Variants in RSU1 observed in about 807,000 individuals in gnomAD.
RSU1 encodes rsu-1.
In RSU1, 26 loss-of-function variants were observed where a neutral mutation model predicts 31.1. That is an observed-to-expected ratio of 0.84 (90% CI 0.61 to 1.16). The LOEUF is 1.16. Among genes scored for constraint, RSU1 ranks in the 50% most tolerant of loss-of-function variants. The pLI is 0.00. For missense variants in RSU1, 320 were observed against 339.1 expected, an observed-to-expected ratio of 0.94 and a Z score of 0.44; for synonymous variants, 164 against 136.3, an observed-to-expected ratio of 1.20 and a Z score of -1.41.
rs146489924 is a variant in RSU1 at position 16,623,237 on chromosome 10, C to T, written c.732-29741G>A. On this transcript the variant is annotated intron_variant, in intron 8 of 8. Transcript: ENST00000345264. ...GTTTCTATGGTTGCCATTTTTTTGT[C>T]CATGAAGACCAATGTTTAGCTCCCA... is the stretch of plus-strand genomic sequence containing the variant. 1.2e-3 allele frequency among the ~76,000 whole-genome samples: 182 copies of T among 152,218 alleles called. 1 individual carries two copies. The highest frequency in any genetic ancestry group is 4.2e-3 in the African/African-American group (175 of 41,534).
intron 8 of RSU1, among the ~76,000 whole-genome samples, chr10:16,642,312 G>T (rs1380488725): frequency 6.6e-6 from 1 of 152,170 alleles, no homozygotes; most frequent in Admixed American, 6.5e-5. Context: ...CAGAGAAGCT[G>T]TAGAAAAACA....
intron 2 of RSU1, among the ~76,000 whole-genome samples, chr10:16,813,025 C>T (rs1838440516): frequency 6.6e-6 from 1 of 150,938 alleles, no homozygotes; most frequent in South Asian, 2.1e-4. Context: ...GTTCTGTCAC[C>T]TAGTAACACG....
At chr10:16,707,633 A>G (rs73604860) in intron 7 of RSU1, among the ~76,000 whole-genome samples, 1,867 of 151,042 alleles carry the variant, frequency 0.012, 41 homozygotes, top group African/African-American at 0.043. Flanking sequence ...TGCCAGATAC[A>G]TACTTTGTAA....
intron 8 of RSU1, among the ~76,000 whole-genome samples, chr10:16,686,946 T>TA (rs1464589694): frequency 6.6e-6 from 1 of 152,100 alleles, no homozygotes; most frequent in Non-Finnish European, 1.5e-5. Flanking sequence ...TTGCATTGAG[T>TA]AAAAAAGGCA....
At position 16,641,624 on chromosome 10, in the gene RSU1, C is replaced by G. The variant is rs549559802; in HGVS notation, c.732-48128G>C. The stretch of plus-strand genomic sequence containing the variant: ...GGCTTGGGTGGGCCCATTAATGAAC[C>G]TGGCTCTCTGAAACTCTCAGGCCAG... On this transcript the variant is annotated intron_variant, in intron 8 of 8. Transcript: ENST00000345264. Among the ~76,000 whole-genome samples, 37 of 152,292 alleles carry G rather than the reference C, an allele frequency of 2.4e-4. No homozygotes were observed. The Middle Eastern group carries it at 0.017, about 70-fold the overall frequency.
chr10:16,638,661 C>T (rs1834389106), intron 8 of RSU1, among the ~76,000 whole-genome samples: 1 of 152,264 alleles, frequency 6.6e-6, no homozygotes, highest in East Asian at 1.9e-4. Context: ...GCTTTGCAAA[C>T]CCTAAGCTAA....
chr10:16,617,809 T>G (rs374227139), intron 8 of RSU1, among the ~76,000 whole-genome samples: 11 of 152,306 alleles, frequency 7.2e-5, no homozygotes, highest in Middle Eastern at 3.4e-3. Flanking sequence ...GACCCCTTCC[T>G]TACACCTTAT....
chr10:16,793,235 G>C (rs1837963046), intron 2 of RSU1, among the ~76,000 whole-genome samples: 1 of 152,090 alleles, frequency 6.6e-6, no homozygotes, highest in South Asian at 2.1e-4. Context: ...CTCTTCAGTA[G>C]TAAGTTTTCA....
At chr10:16,761,047 T>C (rs1364956781) in intron 4 of RSU1, among the ~76,000 whole-genome samples, 2 of 152,202 alleles carry the variant, frequency 1.3e-5, no homozygotes, top group African/African-American at 4.8e-5. Context: ...GTTCAAACGA[T>C]TCTCCTGCCT....
intron 3 of RSU1, among the ~76,000 whole-genome samples, chr10:16,779,162 A>G (rs1837601470): frequency 6.6e-6 from 1 of 152,216 alleles, no homozygotes; most frequent in Non-Finnish European, 1.5e-5. Flanking sequence ...GCTGACTTCA[A>G]AAACCCATCA....
At chr10:16,715,735 G>T (rs1836126651) in intron 7 of RSU1, among the ~76,000 whole-genome samples, 1 of 152,290 alleles carries the variant, frequency 6.6e-6, no homozygotes, top group East Asian at 1.9e-4. Flanking sequence ...ATCAGGAATT[G>T]TTAAATCCTT....
At chr10:16,733,458 A>C (rs1836558697) in intron 7 of RSU1, among the ~76,000 whole-genome samples, 1 of 151,972 alleles carries the variant, frequency 6.6e-6, no homozygotes, top group Admixed American at 6.6e-5. Context: ...CAGTGAAGTG[A>C]CATCACACCA....
Position 16,757,218 on chromosome 10 carries a change from C to G in RSU1, c.282-2229G>C, listed in dbSNP as rs1440031109. Among the ~76,000 whole-genome samples the G allele has an allele frequency of 2.0e-5, 3 of 151,930 alleles. No homozygotes were observed. In the East Asian group the frequency reaches 5.8e-4, roughly 29 times the overall value. ...CCCCTTATTTTTCTTAACGCAGTTC[C>G]CTTTGAGCATACTTAAAAGCCAATT... is the stretch of plus-strand genomic sequence containing the variant. On this transcript the variant is annotated intron_variant, in intron 4 of 8. Coordinates refer to ENST00000345264, the MANE Select transcript of RSU1 (RefSeq NM_012425.4).
rs749473475 is a variant in RSU1 at position 16,682,568 on chromosome 10, ACACATG to A, written c.731+12449_731+12454del. On this transcript the variant is annotated intron_variant, in intron 8 of 8. Coordinates refer to ENST00000345264, the MANE Select transcript of RSU1 (RefSeq NM_012425.4). ...CACACACACACACACACACACACACACACATGCATGCATGTTACCTAGGGTGGACAT... is the reference window on the plus strand; with the variant it reads ...CACACACACACACACACACACACACACATGCATGTTACCTAGGGTGGACAT... Among the ~76,000 whole-genome samples the A allele has an allele frequency of 5.3e-4, 79 of 148,238 alleles. 1 individual carries two copies. Among genetic ancestry groups the A allele is most frequent in the South Asian group, 2.0e-3 (9 of 4,512 alleles).
intron 3 of RSU1, among the ~76,000 whole-genome samples, chr10:16,771,260 A>T (rs1837419813): frequency 6.6e-6 from 1 of 152,232 alleles, no homozygotes; most frequent in African/African-American, 2.4e-5. Context: ...GGTGAAAGCA[A>T]ACATTTCCTT....
intron 8 of RSU1, among the ~76,000 whole-genome samples, chr10:16,653,703 T>C (rs1166175192): frequency 6.6e-6 from 1 of 152,158 alleles, no homozygotes; most frequent in Non-Finnish European, 1.5e-5. Context: ...TATTATGATT[T>C]GATTGAAGCC....
intron 8 of RSU1, among the ~76,000 whole-genome samples, chr10:16,661,358 G>C (rs760326189): frequency 4.0e-5 from 6 of 149,862 alleles, no homozygotes; most frequent in Non-Finnish European, 8.9e-5. Context: ...CATATCAGTT[G>C]AATCTGTAGG....
intron 8 of RSU1, among the ~76,000 whole-genome samples, chr10:16,615,144 C>T (rs756114821): frequency 9.3e-5 from 14 of 151,316 alleles, no homozygotes; most frequent in Admixed American, 1.3e-4. Flanking sequence ...ACCCATCTCA[C>T]GTGCAAAGAC....
intron 7 of RSU1, among the ~76,000 whole-genome samples, chr10:16,704,873 G>A (rs565131201): frequency 6.6e-6 from 1 of 152,076 alleles, no homozygotes; most frequent in South Asian, 2.1e-4. Flanking sequence ...AATACACATA[G>A]GATAAAATTT....
Sources: gnomAD v4.1 joint callset for allele counts (sites outside exome capture counted in the v4.1 genomes callset) on GRCh38, gnomAD v4.1.1 for gene constraint, MANE v1.5 for transcripts, NCBI Gene and HGNC (gene_info 2026-07-23, HGNC 2026-07-21) for gene names.